The following RBFOX1 variants were observed in gnomAD, a reference collection of about 807,000 sequenced individuals.
RBFOX1 encodes the protein RNA binding protein fox-1 homolog 1.
RBFOX1 carries 8 observed loss-of-function variants against 57.7 expected under a neutral mutation model. The ratio of observed to expected loss-of-function variants is 0.14; its 90% CI spans 0.08 to 0.25. The LOEUF (loss-of-function observed/expected upper bound fraction) is 0.25, where lower values mean the gene tolerates loss of function less well. RBFOX1 is among the 10% of genes least tolerant of loss of function. The pLI is 1.00. For synonymous variants in RBFOX1, 326 were observed against 222.4 expected (o/e 1.47, Z -4.15); for missense variants, 611 against 548.5 (o/e 1.11, Z -1.14).
chr16:5,338,965 G>A (rs2064967317), intron 1 of RBFOX1, among the ~76,000 whole-genome samples: 1 of 151,976 alleles, frequency 6.6e-6, no homozygotes, highest in Non-Finnish European at 1.5e-5. Context: ...TATACATTGT[G>A]GATGACTAAA....
intron 4 of RBFOX1, among the ~76,000 whole-genome samples, chr16:7,296,290 A>C (rs1344265051): frequency 1.3e-5 from 2 of 149,040 alleles, no homozygotes; most frequent in Non-Finnish European, 3.0e-5. Flanking sequence ...TTTTCGTGTA[A>C]AATGCTGTTT....
intron 3 of RBFOX1, among the ~76,000 whole-genome samples, chr16:5,824,940 T>C (rs1431871138): frequency 6.6e-6 from 1 of 152,214 alleles, no homozygotes; most frequent in Non-Finnish European, 1.5e-5. Context: ...GAGTGGGCTC[T>C]GTCCATCTGG....
intron 2 of RBFOX1, among the ~76,000 whole-genome samples, chr16:6,386,138 T>A (rs2152924889): frequency 6.6e-6 from 1 of 152,232 alleles, no homozygotes; most frequent in Non-Finnish European, 1.5e-5. Context: ...GGTTTCACCG[T>A]GTCACTCAGG....
chr16:7,160,881 G>A (rs17646192), intron 4 of RBFOX1, among the ~76,000 whole-genome samples: 38,450 of 149,408 alleles, frequency 0.26, 5,164 homozygotes, highest in Non-Finnish European at 0.31. Context: ...TTCAATCTTG[G>A]AAGCTTTCCA....
chr16:6,391,972 G>A (rs2152934571), intron 2 of RBFOX1, among the ~76,000 whole-genome samples: 1 of 152,284 alleles, frequency 6.6e-6, no homozygotes, highest in South Asian at 2.1e-4. Context: ...CTCAGAGGCT[G>A]TAAAAGCTTT....
At chr16:7,703,852 T>A (rs1394149680) in intron 14 of RBFOX1, among the ~76,000 whole-genome samples, 1 of 152,196 alleles carries the variant, frequency 6.6e-6, no homozygotes, top group East Asian at 1.9e-4. Flanking sequence ...TCCAAAAGCA[T>A]CTGTAATTTG....
At chr16:6,615,875 C>T (rs566216103) in intron 2 of RBFOX1, among the ~76,000 whole-genome samples, 18 of 152,254 alleles carry the variant, frequency 1.2e-4, no homozygotes, top group South Asian at 8.3e-4. Context: ...TTTCCTTGCT[C>T]GCGAATCCTC....
At chr16:7,678,164 C>T (rs995947053) in intron 14 of RBFOX1, among the ~76,000 whole-genome samples, 1 of 152,148 alleles carries the variant, frequency 6.6e-6, no homozygotes, top group Admixed American at 6.6e-5. Flanking sequence ...GTTCTCAAGG[C>T]TGTAGGGGGC....
chr16:5,645,353 C>T (rs557724612), intron 3 of RBFOX1, among the ~76,000 whole-genome samples: 1 of 151,678 alleles, frequency 6.6e-6, no homozygotes, highest in South Asian at 2.1e-4. Flanking sequence ...TATGAAGCAT[C>T]TAGAATAGGT....
At chr16:5,379,916 C>T (rs368203787) in intron 1 of RBFOX1, among the ~76,000 whole-genome samples, 16 of 152,150 alleles carry the variant, frequency 1.1e-4, no homozygotes, top group African/African-American at 3.1e-4. Flanking sequence ...CACTTGGCCC[C>T]CTTGCTGGAG....
chr16:5,399,759 G>C (rs1337736928), intron 1 of RBFOX1, among the ~76,000 whole-genome samples: 1 of 151,102 alleles, frequency 6.6e-6, no homozygotes, highest in African/African-American at 2.4e-5. Context: ...TTTTTTTTTG[G>C]CTCATTTGCA....
At chr16:6,680,042 G>T (rs1468941133) in intron 3 of RBFOX1, among the ~76,000 whole-genome samples, 2 of 151,916 alleles carry the variant, frequency 1.3e-5, no homozygotes, top group African/African-American at 4.8e-5. Context: ...CAGTTCTGCT[G>T]TTTCATAACA....
intron 3 of RBFOX1, chr16:6,705,312 G>T (rs2062538085): frequency 6.6e-6 from 1 of 151,886 alleles, no homozygotes; most frequent in South Asian, 2.1e-4. Flanking sequence ...AGGTTACAAG[G>T]GAAGAAGTCT....
intron 1 of RBFOX1, among the ~76,000 whole-genome samples, chr16:5,463,574 C>T (rs1227171025): frequency 6.6e-6 from 1 of 151,914 alleles, no homozygotes; most frequent in Non-Finnish European, 1.5e-5. Context: ...CCGAGGCAGG[C>T]GGATCACCTG....
chr16:5,913,519 C>T (rs992023083), intron 4 of RBFOX1, among the ~76,000 whole-genome samples: 6 of 152,176 alleles, frequency 3.9e-5, no homozygotes, highest in Non-Finnish European at 7.3e-5. Context: ...GACACACCTG[C>T]ACCCCTTTGC....
At chr16:7,593,919 G>T (rs1270608545) in intron 7 of RBFOX1, among the ~76,000 whole-genome samples, 1 of 152,146 alleles carries the variant, frequency 6.6e-6, no homozygotes, top group East Asian at 1.9e-4. Context: ...TTCTGTGGCT[G>T]ATGAGCCTAT....
chr16:5,903,230 T>A (rs778043874), intron 4 of RBFOX1, among the ~76,000 whole-genome samples: 22 of 152,182 alleles, frequency 1.4e-4, no homozygotes, highest in Non-Finnish European at 1.3e-4. Context: ...AACTAACACC[T>A]GCCATAATAT....
chr16:5,956,290 CAAACT>C (rs1413722411), intron 4 of RBFOX1, among the ~76,000 whole-genome samples: 2 of 152,028 alleles, frequency 1.3e-5, no homozygotes, highest in Non-Finnish European at 1.5e-5. Context: ...AACAAACAAA[CAAACT>C]AAATATGTAT....
intron 3 of RBFOX1, among the ~76,000 whole-genome samples, chr16:5,641,517 T>A (rs2048874851): frequency 1.3e-5 from 2 of 152,212 alleles, no homozygotes; most frequent in Non-Finnish European, 2.9e-5. Flanking sequence ...GTTACTCAGG[T>A]CCTGGCACAG....
Sources: allele counts gnomAD v4.1 joint callset (sites outside exome capture counted in the v4.1 genomes callset), GRCh38; gene constraint gnomAD v4.1.1; transcripts MANE v1.5; gene names NCBI Gene and HGNC (gene_info 2026-07-23, HGNC 2026-07-21).